GREB1L: variants seen among roughly 807,000 people sequenced by gnomAD.
GREB1L encodes the protein GREB1-like protein.
Under a neutral mutation model 200.8 loss-of-function variants are expected in GREB1L, and 17 were observed. The observed-to-expected ratio is 0.08, with a 90% CI of 0.06 to 0.13. GREB1L has a LOEUF of 0.13. Among genes scored for constraint, GREB1L ranks in the 10% least tolerant of loss-of-function variants. The probability of loss-of-function intolerance (pLI) is 1.00; values close to 1 mark genes in which losing one functional copy is unlikely to be tolerated. For synonymous variants in GREB1L, 789 were observed against 893.0 expected (o/e 0.88, Z 2.08); for missense variants, 1,657 against 2,367.7 (o/e 0.70, Z 6.23).
chr18:21,364,509 T>C (rs2039632110), intron 1 of GREB1L, among the ~76,000 whole-genome samples: 1 of 152,168 alleles, frequency 6.6e-6, no homozygotes, highest in Admixed American at 6.5e-5. Flanking sequence ...GTCAAACTTC[T>C]TGGCATTTGT....
rs747623479 is a variant in GREB1L at position 21,295,883 on chromosome 18, G to A, written c.-120+53490G>A. The stretch of plus-strand genomic sequence containing the variant: ...TTGGCTGCACATGAAAATCACCTGC[G>A]GAGCTTTAACAACACTTCTCTATTA... On this transcript the variant is annotated intron_variant, in intron 1 of 32. Coordinates refer to ENST00000424526, the MANE Select transcript of GREB1L (RefSeq NM_001142966.3). Among the ~76,000 whole-genome samples the A allele has an allele frequency of 2.2e-4, 33 of 152,118 alleles. 1 individual carries two copies. Among genetic ancestry groups the A allele is most frequent in the African/African-American group, 1.2e-4 (5 of 41,416 alleles).
chr18:21,494,647 A>G (rs1157028181), intron 19 of GREB1L, among the ~76,000 whole-genome samples: 2 of 152,166 alleles, frequency 1.3e-5, no homozygotes, highest in Non-Finnish European at 2.9e-5. Context: ...TGTATTACTT[A>G]ACACCTTGCT....
chr18:21,520,490 G>A (rs1039866400), intron 31 of GREB1L, among the ~76,000 whole-genome samples, 198 bp from the exon 32 acceptor site: 10 of 152,096 alleles, frequency 6.6e-5, no homozygotes, highest in Non-Finnish European at 1.5e-4. Context: ...GCTTTAAACA[G>A]GTTAACACTT....
At chr18:21,325,846 C>T (rs368724079) in intron 1 of GREB1L, among the ~76,000 whole-genome samples, 13 of 147,252 alleles carry the variant, frequency 8.8e-5, no homozygotes, top group African/African-American at 3.3e-4. Flanking sequence ...AAAAAAAGTC[C>T]CATGTCCCAG....
intron 7 of GREB1L, among the ~76,000 whole-genome samples, chr18:21,424,644 T>A (rs2032418976): frequency 6.6e-6 from 1 of 152,210 alleles, no homozygotes; most frequent in African/African-American, 2.4e-5. Context: ...ATAATTCATA[T>A]ATCATGCAAT....
chr18:21,333,181 GGT>G (rs1176887137), intron 1 of GREB1L, among the ~76,000 whole-genome samples: 2 of 152,072 alleles, frequency 1.3e-5, no homozygotes, highest in African/African-American at 2.4e-5. Context: ...CCAGAAGTCT[GGT>G]GCCTGGAAGG....
chr18:21,523,967 G>A lies in GREB1L; in HGVS notation c.*1146G>A, dbSNP rs1162592173. The A allele has an allele frequency of 6.6e-6, 1 of 152,168 alleles. No individual in the cohort carries two copies. The highest frequency in any genetic ancestry group is 1.5e-5 in the Non-Finnish European group (1 of 68,022). The allele number at this position is 152,168 out of a possible 1,614,324, so 9.4% of individuals were successfully genotyped here. A position where few individuals can be genotyped will look rare whatever the true frequency, so the allele number is the denominator to read the frequency against. ...GGTGTTTGTCCAGTATCGGCAATGG[G>A]AGGCATATGTTTCTACAGATTTCTC... On this transcript the variant is annotated 3_prime_UTR_variant, in exon 33 of 33. Coordinates refer to ENST00000424526, the MANE Select transcript of GREB1L (RefSeq NM_001142966.3).
intron 7 of GREB1L, among the ~76,000 whole-genome samples, chr18:21,434,543 GTATA>G (rs386387129): frequency 6.9e-6 from 1 of 143,926 alleles, no homozygotes; most frequent in Non-Finnish European, 1.5e-5. Flanking sequence ...ATATATATGT[GTATA>G]TATATGTGTG....
intron 7 of GREB1L, among the ~76,000 whole-genome samples, chr18:21,420,111 G>A (rs1285068218): frequency 7.2e-5 from 11 of 152,166 alleles, no homozygotes; most frequent in Non-Finnish European, 4.4e-5. Context: ...GGTGGCTCAC[G>A]CCTGTAATCC....
intron 11 of GREB1L, among the ~76,000 whole-genome samples, chr18:21,445,674 C>G (rs1170363025): frequency 6.6e-6 from 1 of 152,152 alleles, no homozygotes; most frequent in African/African-American, 2.4e-5. Flanking sequence ...GGTGCATTAG[C>G]TAGCAATCTT....
At chr18:21,348,809 G>A (rs1240607520) in intron 1 of GREB1L, among the ~76,000 whole-genome samples, 1 of 152,138 alleles carries the variant, frequency 6.6e-6, no homozygotes, top group Non-Finnish European at 1.5e-5. Flanking sequence ...GCCAGCCATG[G>A]TGGCATGCAC....
At chr18:21,331,296 G>A (rs946531350) in intron 1 of GREB1L, among the ~76,000 whole-genome samples, 23 of 152,190 alleles carry the variant, frequency 1.5e-4, no homozygotes, top group Middle Eastern at 6.8e-3. Context: ...CTGCTGATGT[G>A]GATATTCAAA....
At chr18:21,398,643 C>T (rs1196330365) in intron 5 of GREB1L, among the ~76,000 whole-genome samples, 2 of 152,114 alleles carry the variant, frequency 1.3e-5, no homozygotes, top group African/African-American at 4.8e-5. Context: ...GGATGATTTT[C>T]GTATGCATTA....
chr18:21,359,317 G>A (rs1167237654), intron 1 of GREB1L, among the ~76,000 whole-genome samples: 3 of 152,188 alleles, frequency 2.0e-5, no homozygotes, highest in Non-Finnish European at 4.4e-5. Flanking sequence ...GGGCGTGGTG[G>A]CAGGCGCCTG....
intron 1 of GREB1L, among the ~76,000 whole-genome samples, chr18:21,248,332 C>G (rs2037641407): frequency 6.6e-6 from 1 of 152,044 alleles, no homozygotes; most frequent in South Asian, 2.1e-4. Flanking sequence ...TCAGGTGAAG[C>G]TAGAAATTCA....
At chr18:21,293,637 C>G (rs564521218) in intron 1 of GREB1L, among the ~76,000 whole-genome samples, 18 of 152,088 alleles carry the variant, frequency 1.2e-4, no homozygotes, top group Non-Finnish European at 2.4e-4. Flanking sequence ...TTTTATTCAG[C>G]CAAAACAGTA....
intron 15 of GREB1L, 81 bp from the exon 16 acceptor site, chr18:21,472,950 A>T (rs1434867085): frequency 3.6e-5 from 35 of 969,914 alleles, no homozygotes; most frequent in Non-Finnish European, 5.0e-5. Flanking sequence ...GTGTCAGCTG[A>T]CAATGAACTC....
intron 1 of GREB1L, among the ~76,000 whole-genome samples, chr18:21,273,735 C>G (rs1489715808): frequency 6.6e-6 from 1 of 152,062 alleles, no homozygotes; most frequent in African/African-American, 2.4e-5. Context: ...GGAGAGAGCA[C>G]TTCAGAATGT....
At chr18:21,441,275 G>T in intron 9 of GREB1L, 125 bp from the exon 10 acceptor site, 1 of 849,236 alleles carries the variant, frequency 1.2e-6, no homozygotes, top group Non-Finnish European at 1.7e-6. Flanking sequence ...TAAACCTAAT[G>T]AAAAACACAA....
Sources: gnomAD v4.1 joint callset for allele counts (sites outside exome capture counted in the v4.1 genomes callset) on GRCh38, gnomAD v4.1.1 for gene constraint, MANE v1.5 for transcripts, NCBI Gene and HGNC (gene_info 2026-07-23, HGNC 2026-07-21) for gene names.